MTHFD1L: variants seen among roughly 807,000 people sequenced by gnomAD.
MTHFD1L encodes monofunctional C1-tetrahydrofolate synthase, mitochondrial.
A neutral mutation model predicts 119.5 loss-of-function variants in MTHFD1L; 81 were observed. That is an observed-to-expected ratio of 0.68 (90% CI 0.57 to 0.82). The LOEUF is 0.82. Among genes scored for constraint, MTHFD1L ranks in the 40% least tolerant of loss-of-function variants. The pLI is 0.00. For missense variants in MTHFD1L, 1,125 were observed against 1,253.4 expected (o/e 0.90, Z 1.55); for synonymous variants, 430 against 475.2 (o/e 0.90, Z 1.24).
intron 20 of MTHFD1L, 151 bp downstream of exon 20, chr6:150,972,209 G>C: frequency 1.5e-6 from 1 of 687,638 alleles, no homozygotes; most frequent in East Asian, 2.7e-5. Context: ...AAAGCCCTAA[G>C]GTCTGGTCTA....
chr6:150,878,052 C>T (rs1044660884), intron 4 of MTHFD1L, among the ~76,000 whole-genome samples: 3 of 152,102 alleles, frequency 2.0e-5, no homozygotes, highest in East Asian at 1.9e-4. Flanking sequence ...TTGTTGAGTT[C>T]GGTTGTGTTT....
chr6:151,051,939 G>A lies in MTHFD1L; in HGVS notation c.2847+14822G>A, dbSNP rs138754476. Among the ~76,000 whole-genome samples the A allele has an allele frequency of 2.8e-3, 420 of 152,332 alleles. 1 individual carries two copies. Among genetic ancestry groups the A allele is most frequent in the African/African-American group, 9.5e-3 (395 of 41,564 alleles). The stretch of plus-strand genomic sequence containing the variant: ...GAGGCCTGGAGAGGTCTGTGCGTGA[G>A]CCTGGGGGCTCATTGATAAGGAGCT... On this transcript the variant is annotated intron_variant, in intron 26 of 27. Coordinates refer to ENST00000367321, the MANE Select transcript of MTHFD1L (RefSeq NM_015440.5).
intron 26 of MTHFD1L, among the ~76,000 whole-genome samples, chr6:151,071,393 G>T (rs779427665): frequency 4.6e-5 from 7 of 152,216 alleles, no homozygotes; most frequent in Non-Finnish European, 1.0e-4. Flanking sequence ...CTTGATTTCT[G>T]TGAGAAAAAT....
rs1324728412 is a variant in MTHFD1L at position 150,994,062 on chromosome 6, AGT to A, written c.2126-15756_2126-15755del. Reference sequence around the variant, plus strand: ...AGTTTTACCCACAAATAACAACAACAGTAAAAAAAAAAAAAAAAGAAAGAAAG... The same window carrying A: ...AGTTTTACCCACAAATAACAACAACAAAAAAAAAAAAAAAAAGAAAGAAAG... On this transcript the variant is annotated intron_variant, in intron 20 of 27. Coordinates refer to ENST00000367321, the MANE Select transcript of MTHFD1L (RefSeq NM_015440.5). Among the ~76,000 whole-genome samples the A allele has an allele frequency of 1.5e-3, 194 of 131,130 alleles. 1 individual carries two copies. The highest frequency in any genetic ancestry group is 2.1e-3 in the Non-Finnish European group (130 of 62,744). The allele number at this position is 131,130 out of a possible 152,430, so 86.0% of individuals were successfully genotyped here.
chr6:151,004,026 AAG>A (rs543168443), intron 20 of MTHFD1L, among the ~76,000 whole-genome samples: 20 of 142,542 alleles, frequency 1.4e-4, no homozygotes, highest in African/African-American at 4.1e-4. Context: ...AAAAAAAAAA[AAG>A]AGAGAGAGAG....
intron 20 of MTHFD1L, among the ~76,000 whole-genome samples, chr6:150,974,569 A>C (rs1776271730): frequency 6.6e-6 from 1 of 151,878 alleles, no homozygotes; most frequent in African/African-American, 2.4e-5. Flanking sequence ...AGCCCCTGGC[A>C]GTGCCCTTCT....
intron 27 of MTHFD1L, chr6:151,099,453 CTT>C (rs373291011): frequency 9.3e-3 from 7,707 of 831,910 alleles, no homozygotes; most frequent in Non-Finnish European, 0.01. Flanking sequence ...GAAATATTTT[CTT>C]TTTTTTTTTT....
Position 151,037,098 on chromosome 6 carries a change from T to C in MTHFD1L, c.2828T>C (p.Ile943Thr). 1 of 1,611,974 alleles carries C rather than the reference T, an allele frequency of 6.2e-7. No individual in the cohort carries two copies. Among genetic ancestry groups the C allele is most frequent in the Non-Finnish European group, 8.5e-7 (1 of 1,179,850 alleles). Residue 943 changes from isoleucine to threonine, a missense_variant, in exon 26 of 28, where the codon ATT (isoleucine) becomes ACT (threonine). Ile to Thr is a moderately conservative substitution (Grantham distance 89). This residue lies in a region of MTHFD1L where 61 missense variants were observed against 78.9 expected (regional missense o/e 0.77). Transcript: ENST00000367321. ...DVRASIGAGF[I>T]YPLVGTMSTM... is the part of the protein sequence containing the mutation. ...CGGGCCAGCATAGGCGCTGGGTTCATTTACCCTTTGGTCGGAACGGTGAGT... is the reference window on the plus strand; with the variant it reads ...CGGGCCAGCATAGGCGCTGGGTTCACTTACCCTTTGGTCGGAACGGTGAGT...
At chr6:150,976,774 T>C (rs9383551) in intron 20 of MTHFD1L, among the ~76,000 whole-genome samples, 12,089 of 152,210 alleles carry the variant, frequency 0.079, 1,252 homozygotes, top group East Asian at 0.54. Flanking sequence ...ATTGAGAATA[T>C]GTAAAACACT....
chr6:151,081,545 G>A (rs1054169714), intron 26 of MTHFD1L, among the ~76,000 whole-genome samples: 3 of 148,884 alleles, frequency 2.0e-5, no homozygotes, highest in Non-Finnish European at 4.4e-5. Context: ...GGTGGCACAC[G>A]CCAGTAATCC....
rs1332147710 is a variant in MTHFD1L, at chr6:150,917,209, T to C, written c.893-1368T>C. The stretch of plus-strand genomic sequence containing the variant: ...AAGTGAAAGTGCTTCTATTTTTCTA[T>C]GTATTGTACAGTAAAGATTTTAGAG... On this transcript the variant is annotated intron_variant, in intron 8 of 27. Transcript: ENST00000367321. 2.0e-5 allele frequency among the ~76,000 whole-genome samples: 3 copies of C among 152,290 alleles called. No homozygotes were observed. In the East Asian group the frequency reaches 5.8e-4, roughly 29 times the overall value.
chr6:150,908,644 GA>G (rs1235908755), intron 8 of MTHFD1L, among the ~76,000 whole-genome samples: 74 of 144,404 alleles, frequency 5.1e-4, no homozygotes, highest in African/African-American at 1.7e-3. Context: ...AAAAAGAAAA[GA>G]AAAAAAAATG....
chr6:151,035,022 G>T (rs1785953038), intron 25 of MTHFD1L, among the ~76,000 whole-genome samples: 1 of 151,048 alleles, frequency 6.6e-6, no homozygotes, highest in Non-Finnish European at 1.5e-5. Context: ...GCCAGGGTAG[G>T]CAGATAGGAG....
rs371324778 is a variant in MTHFD1L, at chr6:151,069,251, T to TTCTCTCTCTCTCTC, written c.2848-23199_2848-23186dup. 2.9e-3 allele frequency among the ~76,000 whole-genome samples: 391 copies of TTCTCTCTCTCTCTC among 136,640 alleles called. 2 individuals carry two copies. The highest frequency in any genetic ancestry group is 8.8e-3 in the African/African-American group (318 of 36,032). The allele number at this position is 136,640 out of a possible 152,430, so 89.6% of individuals were successfully genotyped here. On this transcript the variant is annotated intron_variant, in intron 26 of 27. Transcript: ENST00000367321. ...AGGCCCAAAACTATCTTCTCTCTCT[T>TTCTCTCTCTCTCTC]TCTCTCTCTCTCTCTCTCTCTCTCT...
intron 20 of MTHFD1L, among the ~76,000 whole-genome samples, chr6:150,996,661 C>T (rs1779844098): frequency 6.6e-6 from 1 of 152,182 alleles, no homozygotes; most frequent in South Asian, 2.1e-4. Context: ...CAGGCCTGAG[C>T]AGCCGGCTGG....
In MTHFD1L at chr6:151,080,563, A is replaced by T. The variant is rs143293757; in HGVS notation, c.2848-11904A>T. On this transcript the variant is annotated intron_variant, in intron 26 of 27. Coordinates refer to ENST00000367321, the MANE Select transcript of MTHFD1L (RefSeq NM_015440.5). ...TAGGAGTCTTTCGGTCCAGGAATTG[A>T]AGGTGCTAAAGCAGGAGGAAAACAT... is the stretch of plus-strand genomic sequence containing the variant. Among the ~76,000 whole-genome samples, 327 of 152,374 alleles carry T rather than the reference A, an allele frequency of 2.1e-3. 2 individuals carry two copies. Among genetic ancestry groups the T allele is most frequent in the South Asian group, 6.8e-3 (33 of 4,828 alleles).
intron 27 of MTHFD1L, among the ~76,000 whole-genome samples, chr6:151,096,631 A>G (rs901983158): frequency 2.0e-5 from 3 of 152,210 alleles, no homozygotes; most frequent in Non-Finnish European, 4.4e-5. Flanking sequence ...GGCATCTGAA[A>G]GGAAATGTCT....
intron 8 of MTHFD1L, among the ~76,000 whole-genome samples, chr6:150,910,765 T>C (rs539300151): frequency 6.6e-6 from 1 of 152,134 alleles, no homozygotes; most frequent in Non-Finnish European, 1.5e-5. Flanking sequence ...ACTTCCTGCA[T>C]TCCTCCCTCC....
At chr6:151,053,487 G>A (rs1789407974) in intron 26 of MTHFD1L, among the ~76,000 whole-genome samples, 1 of 152,170 alleles carries the variant, frequency 6.6e-6, no homozygotes, top group African/African-American at 2.4e-5. Context: ...TGTTGTTGGT[G>A]TTCCCTCCCA....
Sources: gnomAD v4.1 joint callset for allele counts (sites outside exome capture counted in the v4.1 genomes callset) on GRCh38, gnomAD v4.1.1 for gene constraint, gnomAD v4.1.1 regional missense constraint, MANE v1.5 for transcripts, NCBI Gene and HGNC (gene_info 2026-07-23, HGNC 2026-07-21) for gene names.